DPH6: variants seen among roughly 807,000 people sequenced by gnomAD.
DPH6 encodes diphthine--ammonia ligase.
A neutral mutation model predicts 38.2 loss-of-function variants in DPH6; 33 were observed. The ratio of observed to expected loss-of-function variants is 0.86; its 90% CI spans 0.65 to 1.15. The LOEUF (loss-of-function observed/expected upper bound fraction) is 1.15, where lower values mean the gene tolerates loss of function less well. Among genes scored for constraint, DPH6 ranks in the 50% most tolerant of loss-of-function variants. DPH6 has a pLI of 0.00. For synonymous variants in DPH6, 108 were observed against 103.0 expected (o/e 1.05, Z -0.30); for missense variants, 325 against 320.0 (o/e 1.02, Z -0.12).
At chr15:35,410,943 C>T (rs1426543331) in intron 5 of DPH6, 47 bp from the exon 6 acceptor site, 2 of 1,550,674 alleles carry the variant, frequency 1.3e-6, no homozygotes, top group East Asian at 2.3e-5. Context: ...CAGATAGGAA[C>T]TTTAAAGACA....
intron 3 of DPH6, among the ~76,000 whole-genome samples, chr15:35,302,795 C>T (rs1157745718): frequency 2.1e-5 from 3 of 144,874 alleles, no homozygotes; most frequent in Admixed American, 1.4e-4. Context: ...GACGATTTTT[C>T]TTTTTTTTTT....
At chr15:35,282,058 C>T (rs2051902691) in intron 3 of DPH6, among the ~76,000 whole-genome samples, 1 of 152,194 alleles carries the variant, frequency 6.6e-6, no homozygotes, top group Non-Finnish European at 1.5e-5. Flanking sequence ...TCAGCTATTG[C>T]TTCTCCAAGC....
intron 3 of DPH6, among the ~76,000 whole-genome samples, chr15:35,512,600 T>C (rs1328168926): frequency 4.6e-5 from 7 of 152,038 alleles, no homozygotes; most frequent in Non-Finnish European, 5.9e-5. Flanking sequence ...TGCCCTAACA[T>C]ATATTTCTTT....
At chr15:35,249,182 A>G (rs1421317052) in intron 3 of DPH6, among the ~76,000 whole-genome samples, 1 of 152,230 alleles carries the variant, frequency 6.6e-6, no homozygotes, top group Non-Finnish European at 1.5e-5. Context: ...AGATGGCTAC[A>G]TACTTTCAGG....
chr15:35,327,812 A>G (rs1199849741), downstream of DPH6, among the ~76,000 whole-genome samples: 1 of 152,166 alleles, frequency 6.6e-6, no homozygotes, highest in East Asian at 1.9e-4. Flanking sequence ...GCTTTGTTAG[A>G]TAAATAGAGT....
intron 3 of DPH6, chr15:35,522,002 G>C (rs74842466): frequency 0.048 from 71,219 of 1,495,088 alleles, 1,965 homozygotes; most frequent in Non-Finnish European, 0.056. Context: ...CCAGCAAGCA[G>C]AATGAAAAAC....
At chr15:35,539,017 C>A (rs1012138414) in intron 2 of DPH6, among the ~76,000 whole-genome samples, 2 of 151,896 alleles carry the variant, frequency 1.3e-5, no homozygotes, top group Non-Finnish European at 2.9e-5. Context: ...ATTGTTAGAG[C>A]ATTAGAGCAG....
rs188784315 is a variant in DPH6, at chr15:35,406,858, A to G, written c.567+3977T>C. Among the ~76,000 whole-genome samples, 81 of 152,144 alleles carry G rather than the reference A, an allele frequency of 5.3e-4. No individual in the cohort carries two copies. The Middle Eastern group carries it at 0.01, about 19-fold the overall frequency. On this transcript the variant is annotated intron_variant, in intron 6 of 8. Coordinates refer to ENST00000256538, the MANE Select transcript of DPH6 (RefSeq NM_080650.4). Reference sequence around the variant, plus strand: ...ATATACATGTCTGAAACACAGGAAAATGTTGGAGAAATAGACTTAGTTGTT... The same window carrying G: ...ATATACATGTCTGAAACACAGGAAAGTGTTGGAGAAATAGACTTAGTTGTT...
chr15:35,463,151 T>C (rs1422716889), intron 3 of DPH6, among the ~76,000 whole-genome samples: 1 of 152,144 alleles, frequency 6.6e-6, no homozygotes, highest in Non-Finnish European at 1.5e-5. Context: ...TATGTGCGTG[T>C]GTGTGTGTAA....
At position 35,381,829 on chromosome 15, in the gene DPH6, T is replaced by C. The variant is rs1267997569; in HGVS notation, c.655A>G (p.Ile219Val). ...TLDCPLFKKK[I>V]IVDSSEVVIH... ...GCTGAAATGATATCTTACACAATTATTTTCTTCTTAAATAGAGGGCAATCC... is the reference window on the plus strand; with the variant it reads ...GCTGAAATGATATCTTACACAATTACTTTCTTCTTAAATAGAGGGCAATCC... Residue 219 changes from isoleucine to valine, a missense_variant, in exon 7 of 9, where the codon ATA becomes GTA. Ile to Val is a conservative substitution (Grantham distance 29, BLOSUM62 3). Coordinates refer to ENST00000256538, the MANE Select transcript of DPH6 (RefSeq NM_080650.4). The C allele has an allele frequency of 3.1e-6, 5 of 1,609,944 alleles. No homozygotes were observed. Among genetic ancestry groups the C allele is most frequent in the Non-Finnish European group, 4.2e-6 (5 of 1,176,612 alleles).
intron 3 of DPH6, among the ~76,000 whole-genome samples, chr15:35,317,602 AG>A (rs1223564387): frequency 6.6e-6 from 1 of 151,590 alleles, no homozygotes; most frequent in African/African-American, 2.4e-5. Flanking sequence ...AAAAAAAAAA[AG>A]AAAAAAAGAA....
At chr15:35,410,153 G>A (rs2053346401) in intron 6 of DPH6, among the ~76,000 whole-genome samples, 1 of 151,778 alleles carries the variant, frequency 6.6e-6, no homozygotes, top group African/African-American at 2.4e-5. Flanking sequence ...TGTTAAAAGA[G>A]ATAGGTTCTT....
the DPH6 span, among the ~76,000 whole-genome samples, chr15:35,194,971 G>A: frequency 1.3e-5 from 2 of 152,080 alleles, no homozygotes; most frequent in African/African-American, 2.4e-5. Context: ...ATTAGTTATT[G>A]TTAACTATAG....
At position 35,241,261 on chromosome 15, in the gene DPH6, G is replaced by A. The variant is rs1279884203; in HGVS notation, n.201-20679C>T. Among the ~76,000 whole-genome samples, 10 of 142,680 alleles carry A rather than the reference G, an allele frequency of 7.0e-5. 2 individuals are homozygous for A. The highest frequency in any genetic ancestry group is 1.0e-4 in the African/African-American group (4 of 39,364). The allele number at this position is 142,680 out of a possible 152,430, so 93.6% of individuals were successfully genotyped here. ...AGCTGAAGACTGACACTGCCCGATC[G>A]CCTCGGAAGCCCCCTAGACCATCAC... On this transcript the variant is annotated intron_variant and non_coding_transcript_variant, in intron 3 of 3. Transcript: ENST00000560386.
At chr15:35,241,025 C>T (rs1566847600) in intron 3 of DPH6, among the ~76,000 whole-genome samples, 2 of 143,590 alleles carry the variant, frequency 1.4e-5, no homozygotes, top group Non-Finnish European at 3.1e-5. Context: ...CCAGAACCTC[C>T]TCCCACAGGA....
At chr15:35,530,506 T>C (rs987937957) in intron 3 of DPH6, among the ~76,000 whole-genome samples, 2 of 152,084 alleles carry the variant, frequency 1.3e-5, no homozygotes, top group Non-Finnish European at 2.9e-5. Context: ...AATAAGTCAG[T>C]TGATAAATTT....
Position 35,546,115 on chromosome 15 carries a change from T to G in DPH6, c.23+4A>C. ...GGAAGGAGGCGGCTCCAGGACCGCA[T>G]TACCTGATCAGAGCCGCGACCCTCA... On this transcript the variant is annotated splice_donor_region_variant and intron_variant, in intron 1 of 8. Coordinates refer to ENST00000256538, the MANE Select transcript of DPH6 (RefSeq NM_080650.4). 1 of 1,407,844 alleles carries G rather than the reference T, an allele frequency of 7.1e-7. No homozygotes were observed. The highest frequency in any genetic ancestry group is 9.4e-7 in the Non-Finnish European group (1 of 1,066,718). 87.2% of individuals were successfully genotyped at this position (1,407,844 alleles called of 1,614,324 possible).
intron 3 of DPH6, among the ~76,000 whole-genome samples, chr15:35,230,828 C>T (rs985090900): frequency 1.3e-5 from 2 of 152,138 alleles, no homozygotes; most frequent in Non-Finnish European, 2.9e-5. Flanking sequence ...AAAGGGAGTT[C>T]AAGACTCTGA....
At chr15:35,350,822 T>C (rs1334466292) in intron 3 of DPH6, among the ~76,000 whole-genome samples, 1 of 152,174 alleles carries the variant, frequency 6.6e-6, no homozygotes, top group Non-Finnish European at 1.5e-5. Context: ...TTTTCTTAAA[T>C]TTGTTAAGAC....
Sources: allele counts gnomAD v4.1 joint callset (sites outside exome capture counted in the v4.1 genomes callset), GRCh38; gene constraint gnomAD v4.1.1; transcripts MANE v1.5; gene names NCBI Gene and HGNC (gene_info 2026-07-23, HGNC 2026-07-21).